The following DPP10 variants were observed in gnomAD, a reference collection of about 807,000 sequenced individuals.
DPP10 encodes dipeptidyl peptidase like 10, also known as inactive dipeptidyl peptidase 10.
DPP10 carries 33 observed loss-of-function variants against 120.9 expected under a neutral mutation model. The ratio of observed to expected loss-of-function variants is 0.27; its 90% CI spans 0.21 to 0.37. The LOEUF (loss-of-function observed/expected upper bound fraction) is 0.37. Ranked by LOEUF, DPP10 falls within the 10% of genes least tolerant of loss-of-function variation. The pLI is 1.00. For missense variants in DPP10, 816 were observed against 942.8 expected (o/e 0.87, Z 1.76); for synonymous variants, 337 against 326.1 (o/e 1.03, Z -0.36).
intron 1 of DPP10, among the ~76,000 whole-genome samples, chr2:114,510,891 G>A (rs1684089197): frequency 6.6e-6 from 1 of 152,222 alleles, no homozygotes; most frequent in Non-Finnish European, 1.5e-5. Context: ...AAATATCACA[G>A]ACTTATTTGT....
At chr2:114,547,862 G>A (rs1198273970) in intron 1 of DPP10, among the ~76,000 whole-genome samples, 1 of 152,196 alleles carries the variant, frequency 6.6e-6, no homozygotes, top group African/African-American at 2.4e-5. Flanking sequence ...TCCCTCTTTA[G>A]GGGAGCACAG....
At chr2:114,927,066 G>T (rs555156289) in intron 1 of DPP10, among the ~76,000 whole-genome samples, 27 of 152,060 alleles carry the variant, frequency 1.8e-4, no homozygotes, top group African/African-American at 6.5e-4. Context: ...AGCCAGAATG[G>T]TCTCGAGCTC....
chr2:115,107,949 T>G (rs1318407551), intron 1 of DPP10, among the ~76,000 whole-genome samples: 1 of 152,212 alleles, frequency 6.6e-6, no homozygotes, highest in Non-Finnish European at 1.5e-5. Context: ...TTCATGAATT[T>G]ATACATATTT....
chr2:114,814,861 C>G (rs756892404), intron 1 of DPP10, among the ~76,000 whole-genome samples: 1 of 152,198 alleles, frequency 6.6e-6, no homozygotes, highest in Non-Finnish European at 1.5e-5. Flanking sequence ...GCTGCTGTTG[C>G]TGTCCAGCTG....
chr2:114,824,250 G>T lies in DPP10; in HGVS notation c.60+381412G>T, dbSNP rs150010406. On this transcript the variant is annotated intron_variant, in intron 1 of 25. Coordinates refer to ENST00000410059, the MANE Select transcript of DPP10 (RefSeq NM_020868.6). The stretch of plus-strand genomic sequence containing the variant: ...AAGAAATATCGTCATTTCTCATTTT[G>T]GTGTAGAGATGCTAATTCTACACTC... 3.7e-3 allele frequency among the ~76,000 whole-genome samples: 565 copies of T among 152,210 alleles called. 4 individuals are homozygous for T. Among genetic ancestry groups the T allele is most frequent in the Middle Eastern group, 0.02 (6 of 294 alleles).
intron 1 of DPP10, among the ~76,000 whole-genome samples, chr2:114,613,927 A>G (rs1348487239): frequency 6.6e-6 from 1 of 152,134 alleles, no homozygotes; most frequent in Non-Finnish European, 1.5e-5. Flanking sequence ...ATGAGAACAC[A>G]TGGACCCAGG....
chr2:115,124,769 C>T (rs7601753), intron 1 of DPP10, among the ~76,000 whole-genome samples: 40,462 of 152,078 alleles, frequency 0.27, 5,634 homozygotes, highest in East Asian at 0.31. Context: ...CAAGGTATCA[C>T]TAGTGTCTAA....
chr2:115,004,548 T>G (rs1240200558), intron 1 of DPP10, among the ~76,000 whole-genome samples: 1 of 152,156 alleles, frequency 6.6e-6, no homozygotes, highest in Non-Finnish European at 1.5e-5. Context: ...AGGCATTGCC[T>G]CACTCGGGAA....
chr2:115,634,661 A>G (rs2086170894), intron 5 of DPP10, among the ~76,000 whole-genome samples: 1 of 151,976 alleles, frequency 6.6e-6, no homozygotes, highest in Admixed American at 6.6e-5. Context: ...GTGTCTGGCA[A>G]CCCTAATTGA....
At chr2:115,186,053 T>G (rs1318566955) in intron 1 of DPP10, among the ~76,000 whole-genome samples, 8 of 152,234 alleles carry the variant, frequency 5.3e-5, no homozygotes, top group African/African-American at 1.9e-4. Flanking sequence ...ATTTATTGAT[T>G]AGTTGAACTT....
chr2:114,814,077 G>A (rs772979776), intron 1 of DPP10, among the ~76,000 whole-genome samples: 6 of 151,822 alleles, frequency 4.0e-5, no homozygotes, highest in Non-Finnish European at 7.4e-5. Flanking sequence ...TATCGATTAT[G>A]TTCATCACCA....
intron 1 of DPP10, among the ~76,000 whole-genome samples, chr2:114,499,179 T>C (rs371493327): frequency 3.9e-5 from 6 of 152,304 alleles, no homozygotes; most frequent in South Asian, 2.1e-4. Flanking sequence ...TTCATTCTCA[T>C]GCTTTTCACT....
At chr2:115,603,936 C>T (rs528658974) in intron 5 of DPP10, among the ~76,000 whole-genome samples, 1 of 152,156 alleles carries the variant, frequency 6.6e-6, no homozygotes, top group African/African-American at 2.4e-5. Context: ...GTGTTTACAT[C>T]TTAAGAAAGA....
intron 5 of DPP10, among the ~76,000 whole-genome samples, chr2:115,602,427 G>A (rs115246967): frequency 0.012 from 1,853 of 152,136 alleles, 22 homozygotes; most frequent in Non-Finnish European, 0.018. Flanking sequence ...CCATTTCAAC[G>A]CCATATTTTC....
At chr2:115,326,017 A>G (rs1316901979) in intron 2 of DPP10, among the ~76,000 whole-genome samples, 1 of 152,188 alleles carries the variant, frequency 6.6e-6, no homozygotes, top group Non-Finnish European at 1.5e-5. Context: ...GTAAAATCTG[A>G]ATAATATTTT....
intron 1 of DPP10, among the ~76,000 whole-genome samples, chr2:114,854,580 T>C (rs1006304938): frequency 6.6e-6 from 1 of 152,118 alleles, no homozygotes; most frequent in African/African-American, 2.4e-5. Flanking sequence ...GGTATCATAG[T>C]CAGAGGGCAT....
chr2:115,562,085 T>C (rs1431626748), intron 5 of DPP10, among the ~76,000 whole-genome samples: 1 of 152,200 alleles, frequency 6.6e-6, no homozygotes, highest in African/African-American at 2.4e-5. Context: ...AAGTAGGTGC[T>C]TTACTTGTTC....
At chr2:114,900,882 A>C (rs1558861324) in intron 1 of DPP10, among the ~76,000 whole-genome samples, 1 of 152,208 alleles carries the variant, frequency 6.6e-6, no homozygotes, top group Non-Finnish European at 1.5e-5. Flanking sequence ...GTTCATGGAA[A>C]ATGCATATTA....
At chr2:114,506,018 A>G (rs1038172813) in intron 1 of DPP10, among the ~76,000 whole-genome samples, 1 of 152,248 alleles carries the variant, frequency 6.6e-6, no homozygotes, top group African/African-American at 2.4e-5. Context: ...GATAATACAA[A>G]TAATAGAGAT....
Sources: allele counts gnomAD v4.1 joint callset (sites outside exome capture counted in the v4.1 genomes callset), GRCh38; gene constraint gnomAD v4.1.1; transcripts MANE v1.5; gene names NCBI Gene and HGNC (gene_info 2026-07-23, HGNC 2026-07-21).